STAU2: variants seen among roughly 807,000 people sequenced by gnomAD.
STAU2 encodes the protein double-stranded RNA-binding protein Staufen homolog 2.
In STAU2, 20 loss-of-function variants were observed where a neutral mutation model predicts 65.9. The ratio of observed to expected loss-of-function variants is 0.30; its 90% confidence interval spans 0.21 to 0.44. STAU2 has a LOEUF of 0.44. Ranked by LOEUF, STAU2 falls within the 20% of genes least tolerant of loss-of-function variation. STAU2 has a pLI of 1.00. For missense variants in STAU2, 558 were observed against 683.9 expected (o/e 0.82, Z 2.05); for synonymous variants, 232 against 233.9 (o/e 0.99, Z 0.07).
chr8:73,617,527 A>G lies in STAU2; in HGVS notation c.411-76T>C, dbSNP rs73330856. Reference sequence around the variant, plus strand: ...TAATCATTCATAAGATTTGTTTAAAATGATACCAATTATATAATGTGCTAT... The same window carrying G: ...TAATCATTCATAAGATTTGTTTAAAGTGATACCAATTATATAATGTGCTAT... On this transcript the variant is annotated intron_variant, in intron 6 of 14. Coordinates refer to ENST00000524300, the MANE Select transcript of STAU2 (RefSeq NM_001164380.2). 54 of 1,384,776 alleles carry G rather than the reference A, an allele frequency of 3.9e-5. No homozygotes were observed. The African/African-American group carries it at 7.2e-4, about 18-fold the overall frequency. 85.8% of individuals were successfully genotyped at this position (1,384,776 alleles called of 1,614,324 possible).
chr8:73,598,321 G>A (rs1023075336), intron 10 of STAU2, among the ~76,000 whole-genome samples: 11 of 148,274 alleles, frequency 7.4e-5, no homozygotes, highest in South Asian at 2.1e-4. Flanking sequence ...TCCACCTTCC[G>A]GGTTCACGCC....
chr8:73,556,054 T>G (rs1486556575), intron 12 of STAU2, among the ~76,000 whole-genome samples: 1 of 152,198 alleles, frequency 6.6e-6, no homozygotes, highest in East Asian at 1.9e-4. Flanking sequence ...TAATCCTGTT[T>G]TATCTATGCA....
At chr8:73,731,894 GTA>G in intron 3 of STAU2, among the ~76,000 whole-genome samples, 1 of 152,160 alleles carries the variant, frequency 6.6e-6, no homozygotes, top group East Asian at 1.9e-4. Context: ...AGCTGAGATC[GTA>G]CCACTGCACT....
Position 73,583,106 on chromosome 8 carries a change from T to C in STAU2, c.1162-276A>G, listed in dbSNP as rs564881393. 4.6e-5 allele frequency among the ~76,000 whole-genome samples: 7 copies of C among 152,262 alleles called. No individual in the cohort carries two copies. The South Asian group carries it at 1.4e-3, about 32-fold the overall frequency. ...ATAAAGCCAATATTCAATATATGTA[T>C]TATTAGAATGTAAGCTCTAGCTAGG... On this transcript the variant is annotated intron_variant, in intron 11 of 14. Transcript: ENST00000524300.
rs1170230622 is a variant in STAU2 at position 73,619,759 on chromosome 8, A to G, written c.411-2308T>C. 2.6e-5 allele frequency among the ~76,000 whole-genome samples: 4 copies of G among 152,238 alleles called. No individual in the cohort carries two copies. The South Asian group carries it at 6.2e-4, about 24-fold the overall frequency. ...AAGTGCAAGGGAAACAATAGACAGC[A>G]GTGAAAGAGATGAAAAAGGGTCAAA... is the stretch of plus-strand genomic sequence containing the variant. On this transcript the variant is annotated intron_variant, in intron 6 of 14. Transcript: ENST00000524300.
At position 73,640,958 on chromosome 8, in the gene STAU2, A is replaced by C. The variant is rs190741942; in HGVS notation, c.411-23507T>G. On this transcript the variant is annotated intron_variant, in intron 6 of 14. Coordinates refer to ENST00000524300, the MANE Select transcript of STAU2 (RefSeq NM_001164380.2). ...TTAATATTTCAAAGCCACAAAAAAG[A>C]AGCAATAAAAAAAACAGAAAAGTGT... Among the ~76,000 whole-genome samples the C allele has an allele frequency of 1.7e-4, 26 of 152,316 alleles. No individual in the cohort carries two copies. In the East Asian group the frequency reaches 4.6e-3, roughly 27 times the overall value.
chr8:73,665,415 G>T (rs1486444146), intron 6 of STAU2, among the ~76,000 whole-genome samples: 1 of 152,148 alleles, frequency 6.6e-6, no homozygotes. Context: ...TATATCTATT[G>T]AAACAAATTG....
intron 13 of STAU2, among the ~76,000 whole-genome samples, chr8:73,541,086 G>T (rs1806512553): frequency 6.6e-6 from 1 of 152,204 alleles, no homozygotes; most frequent in Non-Finnish European, 1.5e-5. Flanking sequence ...GTGAGAACTG[G>T]TTGAGATTTG....
intron 4 of STAU2, among the ~76,000 whole-genome samples, chr8:73,699,021 A>G (rs571145331): frequency 1.3e-5 from 2 of 152,204 alleles, no homozygotes; most frequent in South Asian, 4.1e-4. Flanking sequence ...TAAAACTACA[A>G]ATCAATAACA....
intron 13 of STAU2, among the ~76,000 whole-genome samples, chr8:73,542,469 G>T (rs1023412338): frequency 6.6e-6 from 1 of 152,036 alleles, no homozygotes. Context: ...AAACCTTAAG[G>T]GGGAAAACTG....
intron 10 of STAU2, among the ~76,000 whole-genome samples, chr8:73,599,828 C>G: frequency 6.6e-6 from 1 of 151,650 alleles, no homozygotes; most frequent in African/African-American, 2.4e-5. Context: ...AGTGCAGTGG[C>G]GCAAACTCGG....
At chr8:73,628,080 G>GT (rs11373925) in intron 6 of STAU2, among the ~76,000 whole-genome samples, 28,627 of 146,922 alleles carry the variant, frequency 0.19, 2,894 homozygotes, top group East Asian at 0.37. Context: ...TAAAATGTAA[G>GT]TTTTTTTTTT....
At chr8:73,583,612 G>A (rs1249064954) in intron 11 of STAU2, among the ~76,000 whole-genome samples, 3 of 150,250 alleles carry the variant, frequency 2.0e-5, no homozygotes, top group Non-Finnish European at 4.4e-5. Context: ...CTATGGTAAG[G>A]GTCACCAAAT....
intron 3 of STAU2, among the ~76,000 whole-genome samples, chr8:73,709,849 T>C (rs1820767439): frequency 1.3e-5 from 2 of 152,188 alleles, no homozygotes; most frequent in Non-Finnish European, 1.5e-5. Flanking sequence ...TTACAGAGTA[T>C]TGATGTATGT....
At chr8:73,633,334 C>A (rs1398507322) in intron 6 of STAU2, among the ~76,000 whole-genome samples, 1 of 152,160 alleles carries the variant, frequency 6.6e-6, no homozygotes, top group Non-Finnish European at 1.5e-5. Context: ...CTCCACAGCA[C>A]CCCCTAACCT....
intron 13 of STAU2, among the ~76,000 whole-genome samples, chr8:73,524,228 G>C (rs1295663591): frequency 1.3e-5 from 2 of 152,152 alleles, no homozygotes; most frequent in Non-Finnish European, 2.9e-5. Flanking sequence ...GCTGGGACAA[G>C]GTGTAGCATG....
At chr8:73,692,490 C>T (rs1480772529) in intron 4 of STAU2, among the ~76,000 whole-genome samples, 1 of 152,188 alleles carries the variant, frequency 6.6e-6, no homozygotes, top group Non-Finnish European at 1.5e-5. Context: ...GCCACCACGC[C>T]GGCCCTCCTA....
intron 13 of STAU2, among the ~76,000 whole-genome samples, chr8:73,502,276 A>T (rs891412486): frequency 3.3e-5 from 5 of 151,204 alleles, no homozygotes; most frequent in African/African-American, 9.7e-5. Context: ...CAGAAAAAAA[A>T]TTCCTCATAA....
chr8:73,433,812 A>G (rs770662590), intron 13 of STAU2, among the ~76,000 whole-genome samples: 9 of 151,678 alleles, frequency 5.9e-5, no homozygotes, highest in Non-Finnish European at 1.3e-4. Flanking sequence ...CTATTTAATT[A>G]TTTTTGATTC....
Sources: allele counts gnomAD v4.1 joint callset (sites outside exome capture counted in the v4.1 genomes callset), GRCh38; gene constraint gnomAD v4.1.1; transcripts MANE v1.5; gene names NCBI Gene and HGNC (gene_info 2026-07-23, HGNC 2026-07-21).